Variants in ZNF420 observed in about 807,000 individuals in gnomAD.
ZNF420 encodes the protein zinc finger protein 420.
In ZNF420, 31 loss-of-function variants were observed where a neutral mutation model predicts 44.7. The observed-to-expected ratio is 0.69, with a 90% CI of 0.52 to 0.94. ZNF420 has a LOEUF of 0.94. Ranked by LOEUF, ZNF420 falls within the 40% of genes least tolerant of loss-of-function variation. The probability of loss-of-function intolerance (pLI) is 0.00; values close to 1 mark genes in which losing one functional copy is unlikely to be tolerated. For missense variants in ZNF420, 681 were observed against 827.9 expected, an observed-to-expected ratio of 0.82 and a Z score of 2.18; for synonymous variants, 245 against 267.4, an observed-to-expected ratio of 0.92 and a Z score of 0.82.
chr19:37,070,145 A>G (rs944448498), intron 1 of ZNF420, among the ~76,000 whole-genome samples: 1 of 152,256 alleles, frequency 6.6e-6, no homozygotes, highest in Admixed American at 6.5e-5. Context: ...TCCCATACAC[A>G]TATAATAATC....
chr19:37,092,941 G>T (rs544875948), intron 4 of ZNF420: 2 of 152,178 alleles, frequency 1.3e-5, no homozygotes, highest in African/African-American at 4.8e-5. Flanking sequence ...GCAATAAAAA[G>T]GAATGAAGTT....
At position 37,022,846 on chromosome 19, in the gene ZNF420, T is replaced by C. The variant is rs554711621; in HGVS notation, c.-125+14764T>C. On this transcript the variant is annotated intron_variant, in intron 1 of 4. Coordinates refer to the ZNF420 transcript ENST00000587029. ...AACGCTGATGACGATCATTAAGATA[T>C]GTAGCATGGGGGCAGGCGCGGTGGC... Among the ~76,000 whole-genome samples the C allele has an allele frequency of 4.6e-5, 7 of 152,228 alleles. No individual in the cohort carries two copies. The South Asian group carries it at 1.5e-3, about 32-fold the overall frequency.
At chr19:37,086,711 C>A (rs1968808856) in intron 2 of ZNF420, among the ~76,000 whole-genome samples, 1 of 152,058 alleles carries the variant, frequency 6.6e-6, no homozygotes, top group Non-Finnish European at 1.5e-5. Flanking sequence ...TGAGTTGATC[C>A]TCCTTATTGC....
At chr19:37,050,871 T>C (rs1178273557) in intron 1 of ZNF420, among the ~76,000 whole-genome samples, 1 of 152,194 alleles carries the variant, frequency 6.6e-6, no homozygotes, top group East Asian at 1.9e-4. Flanking sequence ...CATAGATAGC[T>C]CTTATTATTT....
chr19:37,027,300 G>T (rs537500335), intron 1 of ZNF420, among the ~76,000 whole-genome samples: 1 of 152,298 alleles, frequency 6.6e-6, no homozygotes, highest in African/African-American at 2.4e-5. Context: ...AGTTGTAGGT[G>T]TACAGAAAAA....
At chr19:37,013,817 G>A (rs1453758537) in intron 1 of ZNF420, among the ~76,000 whole-genome samples, 1 of 152,192 alleles carries the variant, frequency 6.6e-6, no homozygotes, top group East Asian at 1.9e-4. Context: ...TCCTGACACT[G>A]CTTTCTGGGA....
At chr19:37,058,061 C>T (rs796498148) in intron 1 of ZNF420, among the ~76,000 whole-genome samples, 17 of 152,248 alleles carry the variant, frequency 1.1e-4, no homozygotes, top group African/African-American at 3.8e-4. Context: ...GCTCTGTCCT[C>T]CCTCTTGCTC....
At chr19:37,063,081 C>T (rs6510585) in intron 1 of ZNF420, among the ~76,000 whole-genome samples, 77,517 of 152,066 alleles carry the variant, frequency 0.51, 20,299 homozygotes, top group African/African-American at 0.58. Context: ...GCATACTTCA[C>T]TCTTCGATCT....
intron 1 of ZNF420, among the ~76,000 whole-genome samples, chr19:37,031,621 T>A (rs1470381286): frequency 6.6e-6 from 1 of 152,112 alleles, no homozygotes; most frequent in Non-Finnish European, 1.5e-5. Flanking sequence ...TTCTCTTGCC[T>A]CAGCCTCCCG....
intron 1 of ZNF420, among the ~76,000 whole-genome samples, chr19:37,066,571 A>T (rs1967971000): frequency 6.6e-6 from 1 of 152,262 alleles, no homozygotes; most frequent in Non-Finnish European, 1.5e-5. Context: ...CAACATCATT[A>T]GTCATTAGAA....
At chr19:37,050,031 T>A (rs959625024) in intron 1 of ZNF420, among the ~76,000 whole-genome samples, 7 of 152,222 alleles carry the variant, frequency 4.6e-5, no homozygotes, top group Non-Finnish European at 7.3e-5. Context: ...GTTGTAGATA[T>A]GCGGCATTAT....
chr19:37,022,080 T>C (rs903569980), intron 1 of ZNF420, among the ~76,000 whole-genome samples: 8 of 151,808 alleles, frequency 5.3e-5, no homozygotes, highest in Admixed American at 3.9e-4. Flanking sequence ...ATATGACACT[T>C]TGAGTAAACA....
At chr19:37,021,936 C>CAAAAAAAAAA (rs60559933) in intron 1 of ZNF420, among the ~76,000 whole-genome samples, 6 of 84,588 alleles carry the variant, frequency 7.1e-5, no homozygotes, top group East Asian at 1.3e-3. Flanking sequence ...CAGTCTGTCT[C>CAAAAAAAAAA]AAAAAAAAAA....
intron 4 of ZNF420, among the ~76,000 whole-genome samples, chr19:37,123,066 T>G (rs915158757): frequency 1.3e-5 from 2 of 152,194 alleles, no homozygotes; most frequent in Non-Finnish European, 2.9e-5. Flanking sequence ...ATAGTCTTCC[T>G]TGTCTTCTCT....
intron 1 of ZNF420, among the ~76,000 whole-genome samples, chr19:37,057,122 T>G (rs774426121): frequency 2.6e-4 from 40 of 152,222 alleles, no homozygotes; most frequent in Non-Finnish European, 3.2e-4. Flanking sequence ...GTCGGGGCTT[T>G]GAGGCTCTGG....
chr19:37,042,563 TCCAAGGGGGA>T (rs1189641090), intron 1 of ZNF420, among the ~76,000 whole-genome samples: 1 of 152,086 alleles, frequency 6.6e-6, no homozygotes. Context: ...TCCAAGGGAG[TCCAAGGGGGA>T]AAATAAAGCC....
intron 1 of ZNF420, among the ~76,000 whole-genome samples, chr19:37,058,222 C>T (rs961612568): frequency 1.3e-5 from 2 of 152,146 alleles, no homozygotes; most frequent in Admixed American, 6.5e-5. Context: ...TTGATTCGGC[C>T]GGTTTGACTA....
chr19:37,061,406 G>C (rs952973321), intron 1 of ZNF420, among the ~76,000 whole-genome samples: 3 of 152,200 alleles, frequency 2.0e-5, no homozygotes, highest in Admixed American at 1.3e-4. Flanking sequence ...TATTGCAAAT[G>C]AGTAATTTGA....
At chr19:37,034,777 T>C (rs1229004845) in intron 1 of ZNF420, among the ~76,000 whole-genome samples, 2 of 152,218 alleles carry the variant, frequency 1.3e-5, no homozygotes, top group African/African-American at 2.4e-5. Flanking sequence ...TCCTAGAAGC[T>C]TTCTTTTAGG....
Sources: gnomAD v4.1 joint callset for allele counts (sites outside exome capture counted in the v4.1 genomes callset) on GRCh38, gnomAD v4.1.1 for gene constraint, MANE v1.5 for transcripts, NCBI Gene and HGNC (gene_info 2026-07-23, HGNC 2026-07-21) for gene names.